RFC3: variants seen among roughly 807,000 people sequenced by gnomAD.
RFC3 encodes the protein A1 38 kDa subunit.
A neutral mutation model predicts 45.1 loss-of-function variants in RFC3; 41 were observed. The ratio of observed to expected loss-of-function variants is 0.91; its 90% confidence interval spans 0.71 to 1.18. RFC3 has a LOEUF of 1.18. Ranked by LOEUF, RFC3 falls within the 50% of genes most tolerant of loss-of-function variation. The pLI is 0.00. For synonymous variants in RFC3, 149 were observed against 144.0 expected, an observed-to-expected ratio of 1.03 and a Z score of -0.25; for missense variants, 423 against 428.1, an observed-to-expected ratio of 0.99 and a Z score of 0.10.
intron 7 of RFC3, among the ~76,000 whole-genome samples, chr13:33,833,815 C>A (rs1310962885): frequency 6.6e-6 from 1 of 152,110 alleles, no homozygotes; most frequent in Non-Finnish European, 1.5e-5. Flanking sequence ...CAAATGCTGG[C>A]TCAAATACAC....
At chr13:33,864,947 GC>G (rs2137546611) in intron 8 of RFC3, among the ~76,000 whole-genome samples, 1 of 152,236 alleles carries the variant, frequency 6.6e-6, no homozygotes, top group East Asian at 1.9e-4. Flanking sequence ...GAGAGGTAAA[GC>G]CTAGGGATGT....
intron 8 of RFC3, among the ~76,000 whole-genome samples, chr13:33,955,589 A>G (rs558768860): frequency 1.3e-5 from 2 of 152,178 alleles, no homozygotes; most frequent in Non-Finnish European, 2.9e-5. Context: ...AAAAACACTG[A>G]TTTTGCTCAA....
At chr13:33,932,227 C>G (rs1054677221) in intron 8 of RFC3, among the ~76,000 whole-genome samples, 1 of 152,112 alleles carries the variant, frequency 6.6e-6, no homozygotes, top group African/African-American at 2.4e-5. Flanking sequence ...AGCTAAAGAA[C>G]ACATTTTAAT....
At chr13:33,870,103 T>G (rs1419136000) in intron 8 of RFC3, among the ~76,000 whole-genome samples, 1 of 152,250 alleles carries the variant, frequency 6.6e-6, no homozygotes, top group African/African-American at 2.4e-5. Flanking sequence ...CGGAATATTT[T>G]GGATTCTGTT....
intron 8 of RFC3, among the ~76,000 whole-genome samples, chr13:33,924,360 G>T (rs1329718503): frequency 6.6e-6 from 1 of 151,928 alleles, no homozygotes; most frequent in Non-Finnish European, 1.5e-5. Flanking sequence ...ATCAGGGTTG[G>T]CAAACTATGC....
At chr13:33,831,430 A>C in intron 7 of RFC3, 76 bp downstream of exon 7, 1 of 759,270 alleles carries the variant, frequency 1.3e-6, no homozygotes, top group Admixed American at 2.3e-5. Flanking sequence ...ATTTTATGCT[A>C]ATGTCATTTT....
At chr13:33,922,570 C>G (rs2082776138) in intron 8 of RFC3, among the ~76,000 whole-genome samples, 2 of 152,018 alleles carry the variant, frequency 1.3e-5, no homozygotes, top group African/African-American at 4.8e-5. Context: ...GGGCAAACAA[C>G]AGTTAATGAT....
chr13:33,914,574 C>A (rs547876076), intron 8 of RFC3, among the ~76,000 whole-genome samples: 23 of 152,180 alleles, frequency 1.5e-4, no homozygotes, highest in African/African-American at 5.3e-4. Flanking sequence ...AGGAATCTCA[C>A]CTCCTTGGAA....
At chr13:33,840,924 C>T (rs185167582), downstream of RFC3, among the ~76,000 whole-genome samples, 1 of 152,224 alleles carries the variant, frequency 6.6e-6, no homozygotes, top group East Asian at 1.9e-4. Flanking sequence ...TACATGGTGC[C>T]ATTCACAGCC....
At chr13:33,934,124 C>A (rs2082871124) in intron 8 of RFC3, among the ~76,000 whole-genome samples, 1 of 151,376 alleles carries the variant, frequency 6.6e-6, no homozygotes, top group Admixed American at 6.6e-5. Context: ...AGCTTGAGCT[C>A]AGGAGTATGT....
chr13:33,859,393 A>C (rs767833602), intron 8 of RFC3, among the ~76,000 whole-genome samples: 2 of 151,786 alleles, frequency 1.3e-5, no homozygotes, highest in Non-Finnish European at 2.9e-5. Flanking sequence ...AATGAAAACT[A>C]GACATAACAT....
intron 8 of RFC3, among the ~76,000 whole-genome samples, chr13:33,925,605 T>A (rs1271110119): frequency 6.6e-6 from 1 of 150,494 alleles, no homozygotes; most frequent in Non-Finnish European, 1.5e-5. Context: ...TATACATACA[T>A]ATATAGTGTA....
intron 8 of RFC3, among the ~76,000 whole-genome samples, chr13:33,916,363 T>C (rs528804839): frequency 6.6e-6 from 1 of 152,234 alleles, no homozygotes; most frequent in African/African-American, 2.4e-5. Flanking sequence ...AAGAAAGCAA[T>C]GGTCCTTTTG....
chr13:33,957,196 A>G (rs1407792857), intron 8 of RFC3, among the ~76,000 whole-genome samples: 2 of 152,236 alleles, frequency 1.3e-5, no homozygotes, highest in Non-Finnish European at 2.9e-5. Context: ...ATTCTGAAGC[A>G]TCCCAAAGAC....
At chr13:33,823,336 T>A (rs555412200) in intron 2 of RFC3, among the ~76,000 whole-genome samples, 1 of 152,270 alleles carries the variant, frequency 6.6e-6, no homozygotes, top group East Asian at 1.9e-4. Context: ...ATGCAACATA[T>A]GTACAGAGAT....
intron 8 of RFC3, 184 bp downstream of exon 8, chr13:33,835,401 A>G (rs2082144547): frequency 1.4e-6 from 1 of 735,452 alleles, no homozygotes; most frequent in East Asian, 2.5e-5. Flanking sequence ...AAAAGAAGGG[A>G]GGGCCTGCCT....
chr13:33,924,457 T>C (rs1451758029), intron 8 of RFC3, among the ~76,000 whole-genome samples: 1 of 151,938 alleles, frequency 6.6e-6, no homozygotes, highest in African/African-American at 2.4e-5. Flanking sequence ...ACCGCTATTA[T>C]AGCTGTTTTC....
At chr13:33,975,038 A>C in the RFC3 span, among the ~76,000 whole-genome samples, 4 of 152,360 alleles carry the variant, frequency 2.6e-5, no homozygotes, top group African/African-American at 7.2e-5. Flanking sequence ...CCAGCAATGT[A>C]ATGCTACTAG....
intron 8 of RFC3, among the ~76,000 whole-genome samples, chr13:33,852,502 A>G (rs1390723955): frequency 2.0e-5 from 3 of 152,170 alleles, no homozygotes; most frequent in Non-Finnish European, 2.9e-5. Flanking sequence ...TAAGCAGAGC[A>G]TAGAATAATG....
Sources: allele counts gnomAD v4.1 joint callset (sites outside exome capture counted in the v4.1 genomes callset), GRCh38; gene constraint gnomAD v4.1.1; transcripts MANE v1.5; gene names NCBI Gene and HGNC (gene_info 2026-07-23, HGNC 2026-07-21).